The following HCN1 variants were observed in gnomAD, a reference collection of about 807,000 sequenced individuals.
The protein encoded by HCN1 is hyperpolarization activated cyclic nucleotide gated potassium channel 1.
Under a neutral mutation model 78.9 loss-of-function variants are expected in HCN1, and 13 were observed. The observed-to-expected ratio is 0.16, with a 90% CI of 0.11 to 0.26. HCN1 has a LOEUF of 0.26. HCN1 is among the 10% of genes least tolerant of loss of function. The probability of loss-of-function intolerance (pLI) is 1.00; values close to 1 mark genes in which losing one functional copy is unlikely to be tolerated. For missense variants in HCN1, 810 were observed against 1,154.3 expected, an observed-to-expected ratio of 0.70 and a Z score of 4.32; for synonymous variants, 552 against 455.5, an observed-to-expected ratio of 1.21 and a Z score of -2.70.
chr5:45,307,905 G>T (rs1745769465), intron 5 of HCN1, among the ~76,000 whole-genome samples: 2 of 152,096 alleles, frequency 1.3e-5, no homozygotes, highest in African/African-American at 4.8e-5. Context: ...TGATGTACAT[G>T]GGAATTCTCC....
intron 5 of HCN1, among the ~76,000 whole-genome samples, chr5:45,338,543 T>C (rs1746510593): frequency 6.6e-6 from 1 of 152,142 alleles, no homozygotes; most frequent in East Asian, 1.9e-4. Context: ...CCTTTCTGGA[T>C]ATCCTAGTTC....
intron 3 of HCN1, among the ~76,000 whole-genome samples, chr5:45,406,235 A>G (rs1314049656): frequency 6.6e-6 from 1 of 152,146 alleles, no homozygotes; most frequent in Non-Finnish European, 1.5e-5. Flanking sequence ...AAATATTTCT[A>G]TGGGGTACCT....
intron 2 of HCN1, among the ~76,000 whole-genome samples, chr5:45,627,360 G>A (rs1745183988): frequency 6.6e-6 from 1 of 152,098 alleles, no homozygotes; most frequent in African/African-American, 2.4e-5. Flanking sequence ...GATTGCATGT[G>A]ATCAGTTTGC....
intron 2 of HCN1, among the ~76,000 whole-genome samples, chr5:45,639,926 C>G (rs1037711663): frequency 1.3e-5 from 2 of 152,160 alleles, no homozygotes; most frequent in African/African-American, 4.8e-5. Context: ...TGGTCTACAT[C>G]TCCAAACTCA....
chr5:45,616,739 T>C (rs1306920146), intron 2 of HCN1, among the ~76,000 whole-genome samples: 2 of 151,980 alleles, frequency 1.3e-5, no homozygotes, highest in Non-Finnish European at 2.9e-5. Context: ...ACAAACTTGG[T>C]TGATTGAAAT....
chr5:45,552,087 T>C (rs891146844), intron 2 of HCN1, among the ~76,000 whole-genome samples: 3 of 151,932 alleles, frequency 2.0e-5, no homozygotes, highest in East Asian at 1.9e-4. Context: ...ATGAAGGAGA[T>C]AGTGGTTAAC....
chr5:45,576,003 T>C (rs1743934614), intron 2 of HCN1: 2 of 152,158 alleles, frequency 1.3e-5, no homozygotes, highest in South Asian at 2.1e-4. Flanking sequence ...TAGATGTCAT[T>C]AAGAACACTG....
chr5:45,506,535 A>G (rs895553181), intron 2 of HCN1, among the ~76,000 whole-genome samples: 3 of 152,130 alleles, frequency 2.0e-5, no homozygotes, highest in African/African-American at 7.2e-5. Flanking sequence ...AAAATGCAAA[A>G]CACAAATGCA....
chr5:45,633,592 C>T (rs1457079101), intron 2 of HCN1, among the ~76,000 whole-genome samples: 1 of 151,892 alleles, frequency 6.6e-6, no homozygotes, highest in South Asian at 2.1e-4. Flanking sequence ...AATTCCTCCA[C>T]AAAAATACAA....
intron 4 of HCN1, among the ~76,000 whole-genome samples, chr5:45,384,825 A>T (rs1020234502): frequency 6.6e-6 from 1 of 152,166 alleles, no homozygotes; most frequent in African/African-American, 2.4e-5. Context: ...GCTGCTTTGT[A>T]TCTTTGTGAC....
intron 2 of HCN1, among the ~76,000 whole-genome samples, chr5:45,533,528 T>C (rs997506676): frequency 6.6e-6 from 1 of 152,232 alleles, no homozygotes; most frequent in East Asian, 1.9e-4. Context: ...CTGTCTCATA[T>C]GTACTGACTA....
intron 7 of HCN1, among the ~76,000 whole-genome samples, chr5:45,266,704 AT>A (rs113257713): frequency 0.024 from 3,297 of 136,544 alleles, 39 homozygotes; most frequent in African/African-American, 0.036. Context: ...GGCATGTGGG[AT>A]TTTTTTTTTT....
At chr5:45,580,970 C>T (rs1209993746) in intron 2 of HCN1, among the ~76,000 whole-genome samples, 2 of 152,170 alleles carry the variant, frequency 1.3e-5, no homozygotes, top group Non-Finnish European at 2.9e-5. Context: ...CAAGTCTTTG[C>T]TATTGTGAAT....
chr5:45,679,685 TA>T (rs1447370730), intron 1 of HCN1, among the ~76,000 whole-genome samples: 1 of 152,096 alleles, frequency 6.6e-6, no homozygotes, highest in African/African-American at 2.4e-5. Flanking sequence ...CTTTAATTGA[TA>T]AAAAATTGTA....
chr5:45,433,400 CT>C (rs1013614156), intron 3 of HCN1, among the ~76,000 whole-genome samples: 1 of 151,740 alleles, frequency 6.6e-6, no homozygotes, highest in African/African-American at 2.4e-5. Context: ...GCAATGTCTG[CT>C]TTTTTTCTGT....
intron 1 of HCN1, among the ~76,000 whole-genome samples, chr5:45,657,352 T>G (rs181819045): frequency 1.1e-4 from 16 of 152,298 alleles, no homozygotes; most frequent in African/African-American, 3.4e-4. Context: ...CCTATCTTCT[T>G]TCATCCTTTC....
intron 2 of HCN1, among the ~76,000 whole-genome samples, chr5:45,514,875 T>C (rs574927300): frequency 1.3e-5 from 2 of 152,200 alleles, no homozygotes; most frequent in South Asian, 4.1e-4. Context: ...GAGGCATTCA[T>C]TGCAAATATT....
At chr5:45,558,112 T>C (rs1045567821) in intron 2 of HCN1, 1 of 144,074 alleles carries the variant, frequency 6.9e-6, no homozygotes, top group African/African-American at 2.6e-5. Flanking sequence ...AAAAACTCTA[T>C]TCCAGTGAAC....
intron 2 of HCN1, among the ~76,000 whole-genome samples, chr5:45,462,462 C>A (rs1312229629): frequency 2.6e-5 from 4 of 151,890 alleles, no homozygotes; most frequent in Non-Finnish European, 4.4e-5. Context: ...AGTTCAGCTG[C>A]AAAATATGAA....
Sources: allele counts gnomAD v4.1 joint callset (sites outside exome capture counted in the v4.1 genomes callset), GRCh38; gene constraint gnomAD v4.1.1; transcripts MANE v1.5; gene names NCBI Gene and HGNC (gene_info 2026-07-23, HGNC 2026-07-21).